PMFBP1: variants seen among roughly 807,000 people sequenced by gnomAD.
The protein encoded by PMFBP1 is polyamine-modulated factor 1-binding protein 1.
In PMFBP1, 131 loss-of-function variants were observed where a neutral mutation model predicts 137.8. That is an observed-to-expected ratio of 0.95 (90% CI 0.82 to 1.10). The LOEUF (loss-of-function observed/expected upper bound fraction) is 1.10, where lower values mean the gene tolerates loss of function less well. Among genes scored for constraint, PMFBP1 ranks in the 50% least tolerant of loss-of-function variants. The probability of loss-of-function intolerance (pLI) is 0.00; values close to 1 mark genes in which losing one functional copy is unlikely to be tolerated. For synonymous variants in PMFBP1, 490 were observed against 450.4 expected, an observed-to-expected ratio of 1.09 and a Z score of -1.11; for missense variants, 1,199 against 1,175.4, an observed-to-expected ratio of 1.02 and a Z score of -0.29.
the PMFBP1 span, among the ~76,000 whole-genome samples, chr16:72,196,791 A>G: frequency 2.0e-5 from 3 of 152,270 alleles, no homozygotes; most frequent in Admixed American, 6.5e-5. Context: ...CTGCACCAAT[A>G]ATGTTTAGGA....
chr16:72,234,794 T>C, the PMFBP1 span, among the ~76,000 whole-genome samples: 13 of 152,328 alleles, frequency 8.5e-5, no homozygotes, highest in Non-Finnish European at 5.9e-5. Flanking sequence ...TAATGACTAA[T>C]GATACTGAGC....
intron 9 of PMFBP1, among the ~76,000 whole-genome samples, chr16:72,135,368 T>G (rs1406996415): frequency 2.7e-5 from 4 of 148,850 alleles, no homozygotes; most frequent in African/African-American, 4.9e-5. Context: ...TGTTTTTTTT[T>G]TTTTTTTTTT....
chr16:72,164,797 C>A lies in PMFBP1; in HGVS notation c.132G>T (p.Gln44His), dbSNP rs769981758. The change falls in exon 3 of 21, where the codon CAG (glutamine) becomes CAT (histidine). Residue 44 changes from glutamine (Q) to histidine (H), a missense_variant. Gln to His is a conservative substitution (Grantham distance 24). Transcript: ENST00000237353. ...TGTTCATTGCCTCCTCCATGCAGAG[C>A]TGATTGTCCTGCAAGGTCTTCCTCT... is the stretch of plus-strand genomic sequence containing the variant. ...KRQRKTLQDN[Q>H]LCMEEAMNSS... 17 of 1,604,962 alleles carry A rather than the reference C, an allele frequency of 1.1e-5. No individual in the cohort carries two copies. The highest frequency in any genetic ancestry group is 1.4e-5 in the Non-Finnish European group (16 of 1,172,558).
intron 5 of PMFBP1, among the ~76,000 whole-genome samples, chr16:72,142,765 G>C (rs2042742256): frequency 6.6e-6 from 1 of 152,126 alleles, no homozygotes; most frequent in Non-Finnish European, 1.5e-5. Flanking sequence ...AGAAACAGCT[G>C]GGTTTATTTG....
At chr16:72,151,004 T>C (rs567905862) in intron 4 of PMFBP1, among the ~76,000 whole-genome samples, 175 bp from the exon 5 acceptor site, 46 of 152,240 alleles carry the variant, frequency 3.0e-4, no homozygotes, top group Admixed American at 2.0e-3. Context: ...ATGCTAATGA[T>C]TGGAAACAAA....
intron 3 of PMFBP1, among the ~76,000 whole-genome samples, chr16:72,155,481 T>C (rs1045632332): frequency 6.6e-6 from 1 of 152,238 alleles, no homozygotes; most frequent in Non-Finnish European, 1.5e-5. Context: ...TAACTTCTAA[T>C]TAGATTATAA....
chr16:72,247,427 G>C, the PMFBP1 span, among the ~76,000 whole-genome samples: 1 of 152,194 alleles, frequency 6.6e-6, no homozygotes, highest in Admixed American at 6.5e-5. Flanking sequence ...TTATCACAAA[G>C]AGCAAGTCTG....
chr16:72,154,658 G>C (rs148284027), intron 3 of PMFBP1, among the ~76,000 whole-genome samples, 199 bp from the exon 4 acceptor site: 145 of 151,966 alleles, frequency 9.5e-4, no homozygotes, highest in African/African-American at 3.1e-3. Flanking sequence ...TCAGTAAGAA[G>C]AATTCAGTAG....
chr16:72,239,897 A>G, the PMFBP1 span, among the ~76,000 whole-genome samples: 5 of 123,732 alleles, frequency 4.0e-5, no homozygotes, highest in Admixed American at 2.2e-4. Flanking sequence ...AAAAAAAAAA[A>G]AAAGAAAAAA....
chr16:72,164,198 A>G (rs2043107608), intron 3 of PMFBP1, among the ~76,000 whole-genome samples: 1 of 152,166 alleles, frequency 6.6e-6, no homozygotes, highest in Non-Finnish European at 1.5e-5. Context: ...TGGGAGATGT[A>G]ATCTACCATC....
chr16:72,123,878 C>T (rs533355413), intron 17 of PMFBP1, among the ~76,000 whole-genome samples: 16 of 152,176 alleles, frequency 1.1e-4, no homozygotes, highest in Non-Finnish European at 2.1e-4. Context: ...GGCAGAGACA[C>T]GTAGATTTGT....
rs146150048 is a variant in PMFBP1 at position 72,165,743 on chromosome 16, T to A, written c.13-827A>T. Among the ~76,000 whole-genome samples the A allele has an allele frequency of 3.3e-3, 504 of 152,308 alleles. 2 individuals are homozygous for A. Among genetic ancestry groups the A allele is most frequent in the Middle Eastern group, 0.01 (3 of 294 alleles). On this transcript the variant is annotated intron_variant, in intron 2 of 20. Transcript: ENST00000237353. The stretch of plus-strand genomic sequence containing the variant: ...AACCCAGTGCTTTTCTTTAGAGGCA[T>A]TCACAATGGGAACAAAAGTGAAATC...
upstream of PMFBP1, among the ~76,000 whole-genome samples, chr16:72,175,498 A>G (rs541921991): frequency 6.6e-6 from 1 of 152,302 alleles, no homozygotes; most frequent in East Asian, 1.9e-4. Context: ...GCCTGGGTAT[A>G]TGGTTGACTC....
At chr16:72,223,879 T>C in the PMFBP1 span, among the ~76,000 whole-genome samples, 1 of 152,244 alleles carries the variant, frequency 6.6e-6, no homozygotes, top group Non-Finnish European at 1.5e-5. Flanking sequence ...AATTTCCTTC[T>C]TAAAGGTTCC....
chr16:72,194,763 T>C, the PMFBP1 span, among the ~76,000 whole-genome samples: 1 of 152,204 alleles, frequency 6.6e-6, no homozygotes, highest in Non-Finnish European at 1.5e-5. Flanking sequence ...GCTAAGGCAC[T>C]GTTGGTGTTC....
At chr16:72,249,818 G>T in the PMFBP1 span, among the ~76,000 whole-genome samples, 50 of 150,522 alleles carry the variant, frequency 3.3e-4, no homozygotes, top group Non-Finnish European at 5.0e-4. Flanking sequence ...TTGCTCAGGA[G>T]GCTCAGGCAG....
At chr16:72,231,676 C>A in the PMFBP1 span, among the ~76,000 whole-genome samples, 3 of 151,996 alleles carry the variant, frequency 2.0e-5, no homozygotes, top group Non-Finnish European at 2.9e-5. Context: ...AATAAAATAT[C>A]AAAGAAATAT....
intron 5 of PMFBP1, 96 bp downstream of exon 5, chr16:72,150,512 G>T (rs1458122499): frequency 1.6e-6 from 2 of 1,216,890 alleles, no homozygotes; most frequent in East Asian, 2.3e-5. Context: ...CTGGGTAAAG[G>T]TTTGGGTTTC....
chr16:72,214,547 T>G, the PMFBP1 span, among the ~76,000 whole-genome samples: 2 of 152,202 alleles, frequency 1.3e-5, no homozygotes, highest in Non-Finnish European at 2.9e-5. Flanking sequence ...CAAATTCCAT[T>G]ACTAATCATG....
Sources: allele counts gnomAD v4.1 joint callset (sites outside exome capture counted in the v4.1 genomes callset), GRCh38; gene constraint gnomAD v4.1.1; transcripts MANE v1.5; gene names NCBI Gene and HGNC (gene_info 2026-07-23, HGNC 2026-07-21).